BLTP1: variants seen among roughly 807,000 people sequenced by gnomAD.
BLTP1 encodes the protein fragile site-associated protein.
chr4:122,266,535 G>A, the BLTP1 span, among the ~76,000 whole-genome samples: 8 of 151,982 alleles, frequency 5.3e-5, no homozygotes, highest in East Asian at 1.9e-4. Flanking sequence ...CTTAGGTAGG[G>A]TCAAGGAATC....
the BLTP1 span, chr4:122,292,350 A>G: frequency 1.1e-6 from 1 of 884,812 alleles, no homozygotes; most frequent in Non-Finnish European, 1.4e-6. Flanking sequence ...CAACTTGAGT[A>G]TAAGAAAAAT....
the BLTP1 span, among the ~76,000 whole-genome samples, chr4:122,176,231 AG>A: frequency 6.6e-6 from 1 of 151,976 alleles, no homozygotes; most frequent in Admixed American, 6.6e-5. Flanking sequence ...TGAACCCAGG[AG>A]GCGGAGGTTG....
the BLTP1 span, among the ~76,000 whole-genome samples, chr4:122,232,759 C>T: frequency 6.6e-6 from 1 of 152,106 alleles, no homozygotes; most frequent in Non-Finnish European, 1.5e-5. Context: ...AGAAAGATTA[C>T]CTCAACCCTC....
At chr4:122,219,710 T>C in the BLTP1 span, 1 of 585,016 alleles carries the variant, frequency 1.7e-6, no homozygotes, top group Non-Finnish European at 2.9e-6. Context: ...ATAAAACTCA[T>C]GTATTTTCTT....
the BLTP1 span, among the ~76,000 whole-genome samples, chr4:122,326,115 A>G: frequency 6.6e-6 from 1 of 151,702 alleles, no homozygotes; most frequent in East Asian, 1.9e-4. Flanking sequence ...GTTTAATACT[A>G]TTAAAGACTA....
chr4:122,327,613 TC>T, the BLTP1 span, among the ~76,000 whole-genome samples: 1 of 151,384 alleles, frequency 6.6e-6, no homozygotes, highest in Non-Finnish European at 1.5e-5. Flanking sequence ...TTTTAAAAGA[TC>T]CACAAAAAGC....
At chr4:122,346,042 G>A in the BLTP1 span, 2 of 983,752 alleles carry the variant, frequency 2.0e-6, no homozygotes, top group African/African-American at 3.5e-5. Context: ...GTATCGCTAT[G>A]TAGGTATGGG....
At chr4:122,285,198 T>C in the BLTP1 span, among the ~76,000 whole-genome samples, 1 of 152,122 alleles carries the variant, frequency 6.6e-6, no homozygotes, top group Non-Finnish European at 1.5e-5. Flanking sequence ...GTAAACATAT[T>C]GTTAAATATC....
At chr4:122,186,253 T>C in the BLTP1 span, 1 of 1,564,178 alleles carries the variant, frequency 6.4e-7, no homozygotes, top group Non-Finnish European at 8.7e-7. Flanking sequence ...TTTATTAAAC[T>C]CTAGCATTTA....
At chr4:122,207,530 T>TTTTTTTTTTTTGTTTTG in the BLTP1 span, 1 of 1,553,756 alleles carries the variant, frequency 6.4e-7, no homozygotes, top group Non-Finnish European at 8.6e-7. Flanking sequence ...TTTTTTTTTT[T>TTTTTTTTTTTTGTTTTG]TCTTTTGTAG....
the BLTP1 span, among the ~76,000 whole-genome samples, chr4:122,322,942 G>A: frequency 6.6e-6 from 1 of 152,106 alleles, no homozygotes; most frequent in Non-Finnish European, 1.5e-5. Flanking sequence ...CGTGTTGGAA[G>A]CCTAGGGGAC....
the BLTP1 span, chr4:122,200,587 A>AC: frequency 3.2e-6 from 3 of 938,644 alleles, no homozygotes; most frequent in Non-Finnish European, 2.5e-6. Context: ...TCAAAACAAA[A>AC]AAAAAAAAAA....
the BLTP1 span, among the ~76,000 whole-genome samples, chr4:122,342,187 T>A: frequency 2.0e-5 from 3 of 152,086 alleles, no homozygotes; most frequent in Admixed American, 6.6e-5. Context: ...AGTTAATAAT[T>A]GCTTAAGCTA....
the BLTP1 span, chr4:122,239,884 T>C: frequency 6.2e-7 from 1 of 1,614,034 alleles, no homozygotes; most frequent in Admixed American, 1.7e-5. Context: ...GCTGAGGAAT[T>C]TGAGCCCATT....
chr4:122,189,297 A>G, the BLTP1 span: 2 of 979,696 alleles, frequency 2.0e-6, no homozygotes, highest in Non-Finnish European at 2.4e-6. Context: ...TTTGATATGC[A>G]AGAAGATATT....
chr4:122,160,933 G>A, the BLTP1 span, among the ~76,000 whole-genome samples: 1 of 152,312 alleles, frequency 6.6e-6, no homozygotes, highest in Non-Finnish European at 1.5e-5. Context: ...AGGTTTTCAA[G>A]TTAAGCGTTT....
At chr4:122,353,745 G>A in the BLTP1 span, 1 of 1,511,120 alleles carries the variant, frequency 6.6e-7, no homozygotes, top group Non-Finnish European at 8.9e-7. The surrounding 1 kb of genome is among the most constrained non-coding windows in gnomAD (Gnocchi z 4.3). Flanking sequence ...ATAGCTCTGA[G>A]GCCACAATTA....
At chr4:122,261,767 A>C in the BLTP1 span, 7 of 978,648 alleles carry the variant, frequency 7.2e-6, no homozygotes, top group Non-Finnish European at 7.3e-6. Flanking sequence ...GGAGAACTTA[A>C]GGATTAAATA....
At chr4:122,316,927 G>C in the BLTP1 span, 1 of 1,157,386 alleles carries the variant, frequency 8.6e-7, no homozygotes, top group Non-Finnish European at 1.2e-6. Flanking sequence ...GATGTTAAAA[G>C]TGGAAGAAAC....
Sources: allele counts gnomAD v4.1 joint callset (sites outside exome capture counted in the v4.1 genomes callset), GRCh38; gene constraint gnomAD v4.1.1; non-coding constraint Gnocchi (gnomAD v3.1); transcripts MANE v1.5; gene names NCBI Gene and HGNC (gene_info 2026-07-23, HGNC 2026-07-21).